MYCBP2: variants seen among roughly 807,000 people sequenced by gnomAD.
The protein encoded by MYCBP2 is E3 ubiquitin-protein ligase MYCBP2.
A neutral mutation model predicts 525.3 loss-of-function variants in MYCBP2; 120 were observed. The ratio of observed to expected loss-of-function variants is 0.23; its 90% CI spans 0.20 to 0.27. The LOEUF is 0.27. Ranked by LOEUF, MYCBP2 falls within the 10% of genes least tolerant of loss-of-function variation. The probability of loss-of-function intolerance (pLI) is 1.00; values close to 1 mark genes in which losing one functional copy is unlikely to be tolerated. For missense variants in MYCBP2, 4,149 were observed against 5,657.1 expected (o/e 0.73, Z 8.55); for synonymous variants, 1,894 against 1,955.8 (o/e 0.97, Z 0.83).
intron 52 of MYCBP2, among the ~76,000 whole-genome samples, chr13:77,133,144 A>G (rs940025627): frequency 3.9e-5 from 6 of 152,146 alleles, no homozygotes; most frequent in Non-Finnish European, 8.8e-5. Flanking sequence ...ATGCATACGG[A>G]ACATAAATGC....
At chr13:77,226,716 G>T (rs959918755) in intron 18 of MYCBP2, among the ~76,000 whole-genome samples, 1 of 152,076 alleles carries the variant, frequency 6.6e-6, no homozygotes, top group Non-Finnish European at 1.5e-5. Flanking sequence ...ATCCAGGTGA[G>T]ACAAAATCTA....
Position 77,268,311 on chromosome 13 carries a change from TAGTGGTTTC to T in MYCBP2, c.1261-383_1261-375del, listed in dbSNP as rs573343083. On this transcript the variant is annotated intron_variant, in intron 7 of 82. Transcript: ENST00000544440. ...GTTTGCTATTTGAAAATGAATAGCA[TAGTGGTTTC>T]AGAAGGTGTGGTATGCCATTGAACA... 1.0e-3 allele frequency among the ~76,000 whole-genome samples: 156 copies of T among 152,346 alleles called. 1 individual carries two copies. The highest frequency in any genetic ancestry group is 3.4e-3 in the Middle Eastern group (1 of 294).
intron 35 of MYCBP2, 91 bp downstream of exon 35, chr13:77,177,657 G>A (rs911523010): frequency 3.1e-5 from 32 of 1,027,094 alleles, no homozygotes; most frequent in Non-Finnish European, 3.8e-5. Context: ...ATCAGTGATT[G>A]ATCTAGTAAA....
chr13:77,278,689 A>G, intron 4 of MYCBP2, 69 bp downstream of exon 4: 1 of 1,250,436 alleles, frequency 8.0e-7, no homozygotes, highest in Non-Finnish European at 1.0e-6. Context: ...ACAATTTTGA[A>G]GTGTACAATA....
At chr13:77,136,117 C>G (rs1412759906) in intron 52 of MYCBP2, among the ~76,000 whole-genome samples, 2 of 152,192 alleles carry the variant, frequency 1.3e-5, no homozygotes, top group African/African-American at 4.8e-5. Flanking sequence ...CCGTGCCCAG[C>G]CTGTTTTTAT....
rs191062815 is a variant in MYCBP2, at chr13:77,247,982, G to C, written c.2381+3169C>G. On this transcript the variant is annotated intron_variant, in intron 15 of 82. Coordinates refer to ENST00000544440, the MANE Select transcript of MYCBP2 (RefSeq NM_015057.5). The stretch of plus-strand genomic sequence containing the variant: ...GAAGAAAAGGAACATCACACACCGG[G>C]GCCTGTTGTGGGGTGGGGGAAGCGG... Among the ~76,000 whole-genome samples the C allele has an allele frequency of 3.2e-3, 488 of 151,952 alleles. 13 individuals carry two copies. The highest frequency in any genetic ancestry group is 8.7e-4 in the Non-Finnish European group (59 of 67,952).
chr13:77,148,947 C>T (rs1266420819), intron 47 of MYCBP2, among the ~76,000 whole-genome samples: 2 of 152,066 alleles, frequency 1.3e-5, no homozygotes, highest in East Asian at 1.9e-4. Flanking sequence ...ACAAGCACTA[C>T]TCCTCCTCCT....
At chr13:77,204,168 A>G (rs1461817824) in intron 26 of MYCBP2, among the ~76,000 whole-genome samples, 1 of 151,928 alleles carries the variant, frequency 6.6e-6, no homozygotes, top group Non-Finnish European at 1.5e-5. Context: ...GCTAATATCC[A>G]GAATCTACAA....
chr13:77,206,461 T>C (rs2063349302), intron 24 of MYCBP2, among the ~76,000 whole-genome samples, 192 bp downstream of exon 24: 1 of 152,184 alleles, frequency 6.6e-6, no homozygotes, highest in African/African-American at 2.4e-5. Flanking sequence ...TACATAAATC[T>C]TTGATAGTGT....
Position 77,260,437 on chromosome 13 carries a change from C to T in MYCBP2, c.2008G>A (p.Asp670Asn). 3 of 1,576,272 alleles carry T rather than the reference C, an allele frequency of 1.9e-6. No homozygotes were observed. The highest frequency in any genetic ancestry group is 2.6e-6 in the Non-Finnish European group (3 of 1,168,082). ...CTTTTTATTAACTTACTTGAACTAT[C>T]AGAGTAAATGGCATCTTTTCCAAAC... ...YMFGKDAIYS[D>N]SSSLVTDLKG... Residue 670 changes from aspartate to asparagine, a missense_variant, in exon 13 of 83, where the codon GAT becomes AAT. Physicochemically the swap from Asp to Asn is conservative, Grantham distance 23. Transcript: ENST00000544440.
At chr13:77,167,138 T>C (rs1433998030) in intron 40 of MYCBP2, among the ~76,000 whole-genome samples, 3 of 152,120 alleles carry the variant, frequency 2.0e-5, no homozygotes, top group African/African-American at 7.2e-5. Context: ...TTGTTTGAAT[T>C]AGTATCAACA....
chr13:77,162,071 T>G, intron 43 of MYCBP2, 116 bp from the exon 44 acceptor site: 1 of 700,190 alleles, frequency 1.4e-6, no homozygotes, highest in South Asian at 2.0e-5. Flanking sequence ...TATTCCAGAT[T>G]GAAAAGATTT....
At chr13:77,189,316 A>G (rs2061063678) in intron 29 of MYCBP2, among the ~76,000 whole-genome samples, 1 of 152,144 alleles carries the variant, frequency 6.6e-6, no homozygotes, top group Non-Finnish European at 1.5e-5. Flanking sequence ...TGTATATAAC[A>G]TATAACTTAT....
At chr13:77,207,847 A>G (rs1008835598) in intron 23 of MYCBP2, among the ~76,000 whole-genome samples, 4 of 152,192 alleles carry the variant, frequency 2.6e-5, no homozygotes, top group Non-Finnish European at 5.9e-5. Context: ...GGTAAATAAT[A>G]GAAACACATA....
At chr13:77,057,184 A>C (rs1177277427) in intron 78 of MYCBP2, 91 bp from the exon 79 acceptor site, 1 of 847,758 alleles carries the variant, frequency 1.2e-6, no homozygotes, top group Non-Finnish European at 1.9e-6. Context: ...GGCACTACTT[A>C]AAGCAGGTAA....
At chr13:77,174,160 G>T in intron 37 of MYCBP2, 151 bp downstream of exon 37, 1 of 546,396 alleles carries the variant, frequency 1.8e-6, no homozygotes, top group Non-Finnish European at 3.0e-6. Context: ...ATTAAAAAGA[G>T]ATTTCTTTAT....
At chr13:77,294,680 G>A (rs2077982488) in intron 2 of MYCBP2, among the ~76,000 whole-genome samples, 1 of 152,092 alleles carries the variant, frequency 6.6e-6, no homozygotes, top group African/African-American at 2.4e-5. Context: ...AGTTGAAAAG[G>A]GATAGAGGTT....
In MYCBP2 at chr13:77,097,956, A is replaced by G. The variant is rs2046492303; in HGVS notation, c.9198T>C (p.Ala3066=). 4 of 1,613,482 alleles carry G rather than the reference A, an allele frequency of 2.5e-6. No individual in the cohort carries two copies. The highest frequency in any genetic ancestry group is 2.7e-5 in the African/African-American group (2 of 74,970). The part of the protein sequence containing the change: ...KFHPELSKEH[A]PIRSSLNSQQ... ...GGCTATTTAAACTACTCCTTATAGGAGCATGTTCTTTGGAAAGTTCAGGAT... is the reference window on the plus strand; with the variant it reads ...GGCTATTTAAACTACTCCTTATAGGGGCATGTTCTTTGGAAAGTTCAGGAT... The change falls in exon 56 of 83, where the codon GCT becomes GCC. Residue 3066 remains alanine (A), a synonymous_variant. Transcript: ENST00000544440.
chr13:77,285,914 G>GAAAGCA (rs2076706262), intron 3 of MYCBP2, among the ~76,000 whole-genome samples: 1 of 146,218 alleles, frequency 6.8e-6, no homozygotes, highest in Non-Finnish European at 1.5e-5. Flanking sequence ...GAAAGCAAAG[G>GAAAGCA]AAGGAAGGAA....
Sources: gnomAD v4.1 joint callset for allele counts (sites outside exome capture counted in the v4.1 genomes callset) on GRCh38, gnomAD v4.1.1 for gene constraint, MANE v1.5 for transcripts, NCBI Gene and HGNC (gene_info 2026-07-23, HGNC 2026-07-21) for gene names.